Variants in SCAMP1 observed in about 807,000 individuals in gnomAD.
SCAMP1 encodes secretory carrier membrane protein 1, also known as secretory carrier-associated membrane protein 1.
SCAMP1 carries 15 observed loss-of-function variants against 41.8 expected under a neutral mutation model. The observed-to-expected ratio is 0.36, with a 90% CI of 0.24 to 0.55. The LOEUF (loss-of-function observed/expected upper bound fraction) is 0.55, where lower values mean the gene tolerates loss of function less well. Ranked by LOEUF, SCAMP1 falls within the 20% of genes least tolerant of loss-of-function variation. SCAMP1 has a pLI of 0.86. For synonymous variants in SCAMP1, 135 were observed against 136.8 expected (o/e 0.99, Z 0.09); for missense variants, 341 against 412.6 (o/e 0.83, Z 1.50).
intron 6 of SCAMP1, among the ~76,000 whole-genome samples, chr5:78,437,282 T>C (rs1752782149): frequency 6.6e-6 from 1 of 152,192 alleles, no homozygotes; most frequent in African/African-American, 2.4e-5. Flanking sequence ...GGCATCCTTG[T>C]CTTGTGCCGG....
intron 2 of SCAMP1, among the ~76,000 whole-genome samples, chr5:78,410,252 C>T (rs1040236460): frequency 6.6e-6 from 1 of 151,896 alleles, no homozygotes; most frequent in African/African-American, 2.4e-5. Context: ...ACCCAGCATT[C>T]ACTAACTATT....
Position 78,479,578 on chromosome 5 carries a change from T to C in SCAMP1, c.*3910T>C, listed in dbSNP as rs1233731204. Among the ~76,000 whole-genome samples, 1 of 152,218 alleles carries C rather than the reference T, an allele frequency of 6.6e-6. No homozygotes were observed. Among genetic ancestry groups the C allele is most frequent in the African/African-American group, 2.4e-5 (1 of 41,458 alleles). ...GTATGTAGAGAGCTAGAAATAAATC[T>C]AGAAACTTTCTAAGCCAGGTATTGC... On this transcript the variant is annotated 3_prime_UTR_variant, in exon 9 of 9. Transcript: ENST00000621999.
chr5:78,430,081 T>TAA (rs60346799), intron 6 of SCAMP1, among the ~76,000 whole-genome samples: 22 of 108,640 alleles, frequency 2.0e-4, no homozygotes, highest in African/African-American at 7.0e-4. Flanking sequence ...TATTTATAAA[T>TAA]ACAGTATTTA....
intron 1 of SCAMP1, among the ~76,000 whole-genome samples, chr5:78,366,212 C>T (rs755953654): frequency 1.8e-4 from 27 of 149,458 alleles, no homozygotes; most frequent in Admixed American, 1.3e-3. Flanking sequence ...GGTGCCATCT[C>T]GGCTCACTGC....
At chr5:78,465,694 G>GT (rs1753727405) in intron 8 of SCAMP1, among the ~76,000 whole-genome samples, 1 of 152,138 alleles carries the variant, frequency 6.6e-6, no homozygotes, top group African/African-American at 2.4e-5. Context: ...CTTTTGTTTA[G>GT]TAGATGCCTT....
intron 2 of SCAMP1, among the ~76,000 whole-genome samples, chr5:78,406,256 C>T (rs1751932917): frequency 1.3e-5 from 2 of 152,112 alleles, no homozygotes; most frequent in Non-Finnish European, 2.9e-5. Flanking sequence ...TCAATAGGTT[C>T]ATAGAAGGGC....
At chr5:78,424,266 A>G (rs1429363734) in intron 6 of SCAMP1, among the ~76,000 whole-genome samples, 1 of 152,222 alleles carries the variant, frequency 6.6e-6, no homozygotes, top group Non-Finnish European at 1.5e-5. Flanking sequence ...GCATTTCCTT[A>G]TATTGATATA....
rs140103698 is a variant in SCAMP1, at chr5:78,459,607, TAA to T, written c.852+247_852+248del. On this transcript the variant is annotated intron_variant, in intron 8 of 8. Transcript: ENST00000621999. ...ATTTTAACTGAAGGCTTTCATGAGT[TAA>T]AGAGTCAGCCTCATTTTTAAAATTT... is the stretch of plus-strand genomic sequence containing the variant. 7.1e-3 allele frequency among the ~76,000 whole-genome samples: 1,081 copies of T among 152,310 alleles called. 9 individuals carry two copies. Among genetic ancestry groups the T allele is most frequent in the African/African-American group, 0.025 (1,024 of 41,562 alleles).
chr5:78,456,588 C>A (rs1561284715), intron 7 of SCAMP1, among the ~76,000 whole-genome samples: 1 of 150,312 alleles, frequency 6.7e-6, no homozygotes, highest in Admixed American at 6.6e-5. Flanking sequence ...TTGAGGGTAA[C>A]CCGACCTTTC....
intron 6 of SCAMP1, among the ~76,000 whole-genome samples, chr5:78,431,402 C>G (rs1752619200): frequency 6.6e-6 from 1 of 151,356 alleles, no homozygotes; most frequent in Non-Finnish European, 1.5e-5. Flanking sequence ...AGTTGACAGT[C>G]TCTTTTAATT....
At chr5:78,457,404 G>C (rs1022043645) in intron 7 of SCAMP1, among the ~76,000 whole-genome samples, 3 of 151,764 alleles carry the variant, frequency 2.0e-5, no homozygotes, top group Admixed American at 6.5e-5. Flanking sequence ...CCTTCTAACA[G>C]ACAGGACCCT....
chr5:78,438,162 C>T (rs1384756396), intron 6 of SCAMP1, among the ~76,000 whole-genome samples: 3 of 152,118 alleles, frequency 2.0e-5, no homozygotes, highest in Admixed American at 1.3e-4. Flanking sequence ...TTCAAAAAAC[C>T]AGCTCCTGGA....
At chr5:78,451,592 A>T (rs1031204260) in intron 7 of SCAMP1, among the ~76,000 whole-genome samples, 1 of 151,910 alleles carries the variant, frequency 6.6e-6, no homozygotes, top group Non-Finnish European at 1.5e-5. Flanking sequence ...TTTTCCCCTC[A>T]GTGTTATTTT....
intron 1 of SCAMP1, among the ~76,000 whole-genome samples, chr5:78,380,854 C>A (rs1005471566): frequency 6.6e-6 from 1 of 151,840 alleles, no homozygotes; most frequent in Non-Finnish European, 1.5e-5. Context: ...TCACTTGAGG[C>A]CAGGAGTTCA....
intron 7 of SCAMP1, among the ~76,000 whole-genome samples, chr5:78,456,746 G>T (rs1475085466): frequency 3.4e-5 from 5 of 148,284 alleles, no homozygotes; most frequent in Admixed American, 6.7e-5. Context: ...TGCTAGATTG[G>T]GGAAGTTCTC....
chr5:78,467,950 CT>C (rs1753786886), intron 8 of SCAMP1, among the ~76,000 whole-genome samples: 1 of 152,138 alleles, frequency 6.6e-6, no homozygotes, highest in African/African-American at 2.4e-5. Flanking sequence ...AGGGGTCATG[CT>C]TTTCAAGAAC....
chr5:78,392,867 G>A (rs1470328203), intron 2 of SCAMP1, among the ~76,000 whole-genome samples: 4 of 152,188 alleles, frequency 2.6e-5, no homozygotes, highest in Non-Finnish European at 4.4e-5. Flanking sequence ...ATTGATTTAA[G>A]TGGTATATTA....
intron 2 of SCAMP1, among the ~76,000 whole-genome samples, chr5:78,407,486 T>C (rs536249269): frequency 7.4e-4 from 111 of 150,580 alleles, no homozygotes; most frequent in African/African-American, 2.6e-3. Flanking sequence ...CTTTTTTTTT[T>C]CTTGCAGTTT....
rs757864357 is a variant in SCAMP1 at position 78,415,598 on chromosome 5, G to A, written c.214G>A (p.Ala72Thr). Residue 72 changes from alanine to threonine, a missense_variant, in exon 3 of 9, where the codon GCT becomes ACT. By Grantham distance (58) the Ala-to-Thr change is moderately conservative (BLOSUM62 0). Transcript: ENST00000621999. The stretch of plus-strand genomic sequence containing the variant: ...AATGAAACCAACAGAGGAACATCCA[G>A]CTTATACACAGATTGCAAAGGTTAG... ...AIMKPTEEHPAYTQIAKEHAL... is the reference protein window; with the variant it reads ...AIMKPTEEHPTYTQIAKEHAL... 1.9e-6 allele frequency: 3 copies of A among 1,600,592 alleles called. No individual in the cohort carries two copies. The South Asian group carries it at 3.4e-5, about 18-fold the overall frequency.
Sources: allele counts gnomAD v4.1 joint callset (sites outside exome capture counted in the v4.1 genomes callset), GRCh38; gene constraint gnomAD v4.1.1; transcripts MANE v1.5; gene names NCBI Gene and HGNC (gene_info 2026-07-23, HGNC 2026-07-21).